The following SUGCT variants were observed in gnomAD, a reference collection of about 807,000 sequenced individuals.
SUGCT encodes succinyl-CoA:glutarate CoA-transferase.
A neutral mutation model predicts 55.0 loss-of-function variants in SUGCT; 41 were observed. That is an observed-to-expected ratio of 0.74 (90% CI 0.58 to 0.97). The LOEUF (loss-of-function observed/expected upper bound fraction) is 0.97. SUGCT is among the 50% of genes least tolerant of loss of function. The pLI, the probability that SUGCT is intolerant of heterozygous loss-of-function variation, is 0.00. For missense variants in SUGCT, 568 were observed against 547.8 expected (o/e 1.04, Z -0.37); for synonymous variants, 187 against 200.4 (o/e 0.93, Z 0.56).
At chr7:40,943,645 T>C in the SUGCT span, among the ~76,000 whole-genome samples, 1 of 150,638 alleles carries the variant, frequency 6.6e-6, no homozygotes, top group Admixed American at 6.6e-5. Flanking sequence ...ATTCATGGTG[T>C]ATATGTGCCA....
At chr7:40,321,177 G>A (rs1795720768) in intron 9 of SUGCT, among the ~76,000 whole-genome samples, 1 of 146,976 alleles carries the variant, frequency 6.8e-6, no homozygotes, top group Non-Finnish European at 1.5e-5. Context: ...CTCGGTTCAA[G>A]TGATTCTCCC....
chr7:40,831,493 T>C (rs1407069179), intron 13 of SUGCT, among the ~76,000 whole-genome samples: 2 of 152,200 alleles, frequency 1.3e-5, no homozygotes, highest in African/African-American at 2.4e-5. Flanking sequence ...TAGAATTTCT[T>C]TGGAGGGCTG....
intron 6 of SUGCT, among the ~76,000 whole-genome samples, chr7:40,204,396 G>A (rs1439958509): frequency 2.0e-5 from 3 of 150,688 alleles, no homozygotes; most frequent in South Asian, 2.1e-4. Context: ...TCCACCTCCC[G>A]GGTTCACGCC....
intron 8 of SUGCT, among the ~76,000 whole-genome samples, chr7:40,289,466 A>G (rs138668753): frequency 6.6e-6 from 1 of 152,342 alleles, no homozygotes; most frequent in African/African-American, 2.4e-5. Flanking sequence ...AATATATTAT[A>G]ATATCTCTCA....
intron 11 of SUGCT, among the ~76,000 whole-genome samples, chr7:40,467,029 C>G (rs1315336066): frequency 6.6e-6 from 1 of 151,372 alleles, no homozygotes; most frequent in Non-Finnish European, 1.5e-5. Flanking sequence ...TGGTGAAACC[C>G]CACCTCTACT....
intron 8 of SUGCT, among the ~76,000 whole-genome samples, chr7:40,294,964 A>G (rs1210175059): frequency 6.6e-6 from 1 of 152,228 alleles, no homozygotes; most frequent in Non-Finnish European, 1.5e-5. Flanking sequence ...TTCTGTGGTG[A>G]AGGGCATTGT....
At chr7:40,168,846 ACT>A (rs35437256) in intron 1 of SUGCT, among the ~76,000 whole-genome samples, 79,936 of 151,700 alleles carry the variant, frequency 0.53, 21,683 homozygotes, top group Middle Eastern at 0.66. Flanking sequence ...ATTACCCCAT[ACT>A]CTAGGGGTCC....
At chr7:40,391,055 T>C (rs1268893551) in intron 9 of SUGCT, among the ~76,000 whole-genome samples, 2 of 152,172 alleles carry the variant, frequency 1.3e-5, no homozygotes, top group African/African-American at 4.8e-5. Flanking sequence ...ATTTAATAAA[T>C]GGTGCTGGGA....
intron 7 of SUGCT, among the ~76,000 whole-genome samples, chr7:40,259,384 G>A (rs1791066066): frequency 6.6e-6 from 1 of 152,144 alleles, no homozygotes; most frequent in Non-Finnish European, 1.5e-5. Context: ...GCATATATTT[G>A]TGTTCTGCAG....
chr7:40,987,227 A>G, the SUGCT span, among the ~76,000 whole-genome samples: 14 of 152,126 alleles, frequency 9.2e-5, no homozygotes, highest in Non-Finnish European at 1.9e-4. Context: ...ACTCCCTGCC[A>G]TCAGTCCCAG....
intron 6 of SUGCT, among the ~76,000 whole-genome samples, chr7:40,219,004 C>G (rs1787854773): frequency 6.6e-6 from 1 of 152,184 alleles, no homozygotes; most frequent in Non-Finnish European, 1.5e-5. Context: ...TGCTACTACT[C>G]ACTCTTTGGG....
chr7:40,334,014 G>C (rs2151156633), intron 9 of SUGCT, among the ~76,000 whole-genome samples: 1 of 151,938 alleles, frequency 6.6e-6, no homozygotes, highest in African/African-American at 2.4e-5. Flanking sequence ...CTGGTTTTTT[G>C]TCCTTGCGAT....
chr7:40,597,693 A>G (rs1265912362), intron 12 of SUGCT, among the ~76,000 whole-genome samples: 1 of 152,134 alleles, frequency 6.6e-6, no homozygotes, highest in East Asian at 1.9e-4. Flanking sequence ...GGCATGGTGG[A>G]CTGATAAATG....
chr7:40,949,572 G>T, the SUGCT span, among the ~76,000 whole-genome samples: 1 of 152,100 alleles, frequency 6.6e-6, no homozygotes, highest in Non-Finnish European at 1.5e-5. Flanking sequence ...TTTCTTCTAG[G>T]GTTTTTATGT....
At chr7:40,621,740 A>T (rs1461347084) in intron 12 of SUGCT, among the ~76,000 whole-genome samples, 1 of 152,182 alleles carries the variant, frequency 6.6e-6, no homozygotes, top group South Asian at 2.1e-4. Context: ...CTTAATGCAG[A>T]CCATCTGGCT....
At chr7:40,877,062 A>G in the SUGCT span, among the ~76,000 whole-genome samples, 1 of 152,172 alleles carries the variant, frequency 6.6e-6, no homozygotes, top group Non-Finnish European at 1.5e-5. Context: ...TAAAGTTTAT[A>G]TCTACTCAAC....
intron 1 of SUGCT, among the ~76,000 whole-genome samples, chr7:40,137,294 AT>A (rs1327725858): frequency 6.6e-6 from 1 of 151,810 alleles, no homozygotes; most frequent in Non-Finnish European, 1.5e-5. Flanking sequence ...TGCCTGGCTA[AT>A]TTTTTTATTT....
In SUGCT at chr7:40,274,560, T is replaced by G. The variant is rs1299907054; in HGVS notation, c.624T>G (p.Thr208=). ...GAGTAGCTATGACTGATCTTGCCAC[T>G]GGCCTGTATGCATATGGAGCTATTA... ...RPGVAMTDLA[T]GLYAYGAIMA... is the part of the protein sequence containing the mutation. Residue 208 remains threonine, a synonymous_variant, in exon 8 of 14, where the codon ACT becomes ACG. Transcript: ENST00000335693. 2 of 1,613,774 alleles carry G rather than the reference T, an allele frequency of 1.2e-6. No individual in the cohort carries two copies. Among genetic ancestry groups the G allele is most frequent in the South Asian group, 1.1e-5 (1 of 91,050 alleles).
At chr7:40,879,482 C>T in the SUGCT span, among the ~76,000 whole-genome samples, 5 of 152,122 alleles carry the variant, frequency 3.3e-5, no homozygotes, top group Non-Finnish European at 5.9e-5. Flanking sequence ...CTAACAAAAT[C>T]AACAGTCCCT....
Sources: gnomAD v4.1 joint callset for allele counts (sites outside exome capture counted in the v4.1 genomes callset) on GRCh38, gnomAD v4.1.1 for gene constraint, MANE v1.5 for transcripts, NCBI Gene and HGNC (gene_info 2026-07-23, HGNC 2026-07-21) for gene names.